AGRN: variants seen among roughly 807,000 people sequenced by gnomAD.
AGRN encodes agrin proteoglycan.
In AGRN, 106 loss-of-function variants were observed where a neutral mutation model predicts 211.0. That is an observed-to-expected ratio of 0.50 (90% confidence interval 0.43 to 0.59). The LOEUF (loss-of-function observed/expected upper bound fraction) is 0.59. Ranked by LOEUF, AGRN falls within the 20% of genes least tolerant of loss-of-function variation. The probability of loss-of-function intolerance (pLI) is 0.00; values close to 1 mark genes in which losing one functional copy is unlikely to be tolerated. For missense variants in AGRN, 3,040 were observed against 2,982.6 expected (o/e 1.02, Z -0.45); for synonymous variants, 1,525 against 1,332.5 (o/e 1.14, Z -3.15).
At chr1:1,038,247 A>AGG (rs1321325135) in intron 3 of AGRN, among the ~76,000 whole-genome samples, 2 of 152,188 alleles carry the variant, frequency 1.3e-5, no homozygotes, top group Non-Finnish European at 1.5e-5. Flanking sequence ...GCAGAGGGGA[A>AGG]GGGGCCAGGA....
rs759046825 is a variant in AGRN at position 1,049,076 on chromosome 1, CG to C, written c.4298+21del. 105 of 1,054,246 alleles carry C rather than the reference CG, an allele frequency of 1.0e-4. 1 individual carries two copies. Among genetic ancestry groups the C allele is most frequent in the Middle Eastern group, 6.1e-4 (2 of 3,254 alleles). 65.3% of individuals were successfully genotyped at this position (1,054,246 alleles called of 1,614,324 possible). A position where few individuals can be genotyped will look rare whatever the true frequency, so the allele number is the denominator to read the frequency against. On this transcript the variant is annotated intron_variant, in intron 24 of 35. Coordinates refer to ENST00000379370, the MANE Select transcript of AGRN (RefSeq NM_198576.4). The stretch of plus-strand genomic sequence containing the variant: ...GCAGCTCAGGTGGGCGGGGAGGGGA[CG>C]GGGCCGGGGCAGCTCAGGTGGGCGG...
Position 1,047,472 on chromosome 1 carries a change from C to A in AGRN, c.3516+18C>A. On this transcript the variant is annotated intron_variant, in intron 20 of 35. Coordinates refer to ENST00000379370, the MANE Select transcript of AGRN (RefSeq NM_198576.4). ...AGAGCACCGTAAGACGGGGGCGCAG[C>A]CCCCACCTACCCACTGGCCTTCCTC... 6.2e-7 allele frequency: 1 copy of A among 1,612,658 alleles called. No homozygotes were observed. The highest frequency in any genetic ancestry group is 8.5e-7 in the Non-Finnish European group (1 of 1,179,898).
Position 1,054,849 on chromosome 1 carries a change from C to T in AGRN, c.6006C>T (p.Gly2002=), listed in dbSNP as rs1224295352. Residue 2002 remains glycine, a synonymous_variant, in exon 36 of 36, where the codon GGC becomes GGT. Transcript: ENST00000379370. The part of the protein sequence containing the change: ...WLGGLPELPV[G]PALPKAYGTG... ...GGGGCCTGCCGGAGCTGCCCGTGGGCCCAGCACTGCCCAAGGCCTACGGCA... is the reference window on the plus strand; with the variant it reads ...GGGGCCTGCCGGAGCTGCCCGTGGGTCCAGCACTGCCCAAGGCCTACGGCA... The T allele has an allele frequency of 6.4e-7, 1 of 1,559,638 alleles. No homozygotes were observed. The highest frequency in any genetic ancestry group is 8.7e-7 in the Non-Finnish European group (1 of 1,153,656).
chr1:1,040,538 G>C (rs1338386360), intron 3 of AGRN, 127 bp from the exon 4 acceptor site: 1 of 1,153,174 alleles, frequency 8.7e-7, no homozygotes, highest in Non-Finnish European at 1.2e-6. Flanking sequence ...CCGTGTCCGT[G>C]GTGGACCCCC....
rs1366057935 is a variant in AGRN, at chr1:1,031,342, G to A, written c.464-3935G>A. Among the ~76,000 whole-genome samples the A allele has an allele frequency of 1.3e-5, 2 of 152,132 alleles. No individual in the cohort carries two copies. The highest frequency in any genetic ancestry group is 2.9e-5 in the Non-Finnish European group (2 of 68,016). On this transcript the variant is annotated intron_variant, in intron 2 of 35. Coordinates refer to ENST00000379370, the MANE Select transcript of AGRN (RefSeq NM_198576.4). This position sits in a 1 kb window ranked among gnomAD's most constrained non-coding sequence, Gnocchi z 4.8. ...TGAGTGTGAGATCAGGGACCAGGGG[G>A]CTAGTACTCTTTCCTGCACATGAGC...
Position 1,046,943 on chromosome 1 carries a change from G to T in AGRN, c.3374G>T (p.Gly1125Val), listed in dbSNP as rs1323845184. ...DGKTPSLDAE[G>V]SNCPATKVFQ... ...AAGACGCCCTCGCTGGACGCAGAGG[G>T]CTCCAACTGCCCCGGTGAGTGGACG... The change falls in exon 19 of 36, where the codon GGC becomes GTC. Residue 1125 changes from glycine (G) to valine (V), a missense_variant. This residue lies in a region of AGRN where 1,537 missense variants were observed against 1,505.0 expected (regional missense o/e 1.02). Transcript: ENST00000379370. 5.1e-6 allele frequency: 8 copies of T among 1,579,652 alleles called. No individual in the cohort carries two copies. The African/African-American group carries it at 1.1e-4, about 21-fold the overall frequency.
rs573358968 is a variant in AGRN, at chr1:1,022,243, C to T, written c.244C>T (p.Arg82Trp). Reference protein sequence around the residue: ...RYLKGKDLVARESLLDGGNKV... With the variant: ...RYLKGKDLVAWESLLDGGNKV... ...CTTGAAGGGCAAAGACCTGGTGGCC[C>T]GGGAGAGCCTGCTGGACGGCGGCAA... The change falls in exon 2 of 36, where the codon CGG becomes TGG. Residue 82 changes from arginine to tryptophan, a missense_variant. Physicochemically the swap from Arg to Trp is moderately radical, Grantham distance 101. Coordinates refer to ENST00000379370, the MANE Select transcript of AGRN (RefSeq NM_198576.4). 12 of 1,613,106 alleles carry T rather than the reference C, an allele frequency of 7.4e-6. No homozygotes were observed. Among genetic ancestry groups the T allele is most frequent in the African/African-American group, 2.7e-5 (2 of 75,036 alleles).
At chr1:1,028,922 C>A in intron 2 of AGRN, among the ~76,000 whole-genome samples, 1 of 52,028 alleles carries the variant, frequency 1.9e-5, no homozygotes, top group African/African-American at 6.2e-5. Flanking sequence ...CCCACACCCA[C>A]GCCACCCTTT....
At chr1:1,053,578 T>G in intron 33 of AGRN, 175 bp from the exon 34 acceptor site, 1 of 1,515,758 alleles carries the variant, frequency 6.6e-7, no homozygotes, top group Non-Finnish European at 8.9e-7. Flanking sequence ...TCTGCCAGGC[T>G]GCCCCTGTCT....
chr1:1,032,676 G>C lies in AGRN; in HGVS notation c.464-2601G>C, dbSNP rs1057504068. Among the ~76,000 whole-genome samples, 1 of 152,208 alleles carries C rather than the reference G, an allele frequency of 6.6e-6. No homozygotes were observed. Among genetic ancestry groups the C allele is most frequent in the African/African-American group, 2.4e-5 (1 of 41,438 alleles). On this transcript the variant is annotated intron_variant, in intron 2 of 35. Transcript: ENST00000379370. This position sits in a 1 kb window ranked among gnomAD's most constrained non-coding sequence, Gnocchi z 4.7. ...ATGGCTTGGTCCGCGGTGCTGGAGGGGACTGGCGGAGCAGAAGCGCCCTGG... is the reference window on the plus strand; with the variant it reads ...ATGGCTTGGTCCGCGGTGCTGGAGGCGACTGGCGGAGCAGAAGCGCCCTGG...
intron 35 of AGRN, 123 bp downstream of exon 35, chr1:1,054,674 C>T: frequency 6.7e-7 from 1 of 1,484,534 alleles, no homozygotes; most frequent in Non-Finnish European, 9.1e-7. Flanking sequence ...GCTGGGCTCT[C>T]TTCTCCCGCT....
intron 3 of AGRN, among the ~76,000 whole-genome samples, chr1:1,039,664 C>G (rs1174065802): frequency 6.6e-6 from 1 of 152,036 alleles, no homozygotes; most frequent in African/African-American, 2.4e-5. Flanking sequence ...ACGTTGAGGT[C>G]TGGTGATGGG....
In AGRN at chr1:1,046,241, A is replaced by G. The variant is rs755615484; in HGVS notation, c.2887A>G (p.Ile963Val). ...CTGCCGCCAGGGCCTGCAAATCTCT[A>G]TCCAGAGCCTGGGCCCGTGCCAGGG... The part of the protein sequence containing the change: ...IACRQGLQIS[I>V]QSLGPCQEAV... The change falls in exon 17 of 36, where the codon ATC becomes GTC. Residue 963 changes from isoleucine (I) to valine (V), a missense_variant. Transcript: ENST00000379370. The G allele has an allele frequency of 1.9e-6, 3 of 1,613,490 alleles. No homozygotes were observed. Among genetic ancestry groups the G allele is most frequent in the South Asian group, 1.1e-5 (1 of 91,088 alleles).
At position 1,046,102 on chromosome 1, in the gene AGRN, G is replaced by C; in HGVS notation, c.2805+14G>C. 1 of 1,614,014 alleles carries C rather than the reference G, an allele frequency of 6.2e-7. No individual in the cohort carries two copies. Among genetic ancestry groups the C allele is most frequent in the Non-Finnish European group, 8.5e-7 (1 of 1,180,012 alleles). On this transcript the variant is annotated intron_variant, in intron 16 of 35. Transcript: ENST00000379370. ...AACGCTACCAAGGTGAGGGGTGTGG[G>C]ATGTGAAGGGGAGTGGGGAGGAGGC...
Position 1,022,485 on chromosome 1 carries a change from G to A in AGRN, c.463+23G>A, listed in dbSNP as rs771628017. 1.0e-5 allele frequency: 16 copies of A among 1,591,582 alleles called. No individual in the cohort carries two copies. The South Asian group carries it at 1.8e-4, about 18-fold the overall frequency. On this transcript the variant is annotated intron_variant, in intron 2 of 35. Coordinates refer to ENST00000379370, the MANE Select transcript of AGRN (RefSeq NM_198576.4). ...AAGGTGCGTGGTGGGGGGCTCGTGT[G>A]GGGGCCTGTGGGGGTCAGGGCAGTG... is the stretch of plus-strand genomic sequence containing the variant.
chr1:1,022,147 C>A, intron 1 of AGRN, 54 bp from the exon 2 acceptor site: 1 of 1,609,864 alleles, frequency 6.2e-7, no homozygotes, highest in South Asian at 1.1e-5. Context: ...AGCCCCCAGT[C>A]TAGCCCCTTC....
rs1645022313 is a variant in AGRN at position 1,044,035 on chromosome 1, G to T, written c.1999+12G>T. The T allele has an allele frequency of 1.9e-6, 3 of 1,610,932 alleles. No individual in the cohort carries two copies. Among genetic ancestry groups the T allele is most frequent in the Non-Finnish European group, 2.5e-6 (3 of 1,179,680 alleles). ...GCCGTGCGAGCAGGGTAGGCCGGGG[G>T]ACGCTGGCGAAAACTGCTGGGCTCT... On this transcript the variant is annotated intron_variant, in intron 10 of 35. Coordinates refer to ENST00000379370, the MANE Select transcript of AGRN (RefSeq NM_198576.4).
At chr1:1,022,500 T>C in intron 2 of AGRN, 38 bp downstream of exon 2, 1 of 1,482,680 alleles carries the variant, frequency 6.7e-7, no homozygotes, top group Non-Finnish European at 9.3e-7. Flanking sequence ...CCTGTGGGGG[T>C]CAGGGCAGTG....
chr1:1,034,780 C>T (rs993840300), intron 2 of AGRN: 2 of 963,476 alleles, frequency 2.1e-6, no homozygotes, highest in Non-Finnish European at 2.5e-6. Context: ...CTGGAGGCCG[C>T]GGCGGGTCCG....
Sources: allele counts gnomAD v4.1 joint callset (sites outside exome capture counted in the v4.1 genomes callset), GRCh38; gene constraint gnomAD v4.1.1; regional missense constraint gnomAD v4.1.1; non-coding constraint Gnocchi (gnomAD v3.1); transcripts MANE v1.5; gene names NCBI Gene and HGNC (gene_info 2026-07-23, HGNC 2026-07-21).